Variants in KLHL32 observed in about 807,000 individuals in gnomAD.
KLHL32 encodes the protein kelch like family member 32.
KLHL32 carries 35 observed loss-of-function variants against 64.8 expected under a neutral mutation model. That is an observed-to-expected ratio of 0.54 (90% CI 0.41 to 0.72). KLHL32 has a LOEUF of 0.72. Among genes scored for constraint, KLHL32 ranks in the 30% least tolerant of loss-of-function variants. The pLI is 0.00. For synonymous variants in KLHL32, 259 were observed against 281.0 expected (o/e 0.92, Z 0.78); for missense variants, 589 against 768.5 (o/e 0.77, Z 2.76).
chr6:97,139,221 A>G lies in KLHL32; in HGVS notation c.1802A>G (p.Tyr601Cys). 1 of 1,613,984 alleles carries G rather than the reference A, an allele frequency of 6.2e-7. No homozygotes were observed. Reference protein sequence around the residue: ...GIAACFLPAPYFTCPNLQTLQ... With the variant: ...GIAACFLPAPCFTCPNLQTLQ... ...GCAGCATGCTTCCTTCCAGCTCCAT[A>G]TTTTACATGCCCTAACCTTCAAACT... The change falls in exon 11 of 11, where the codon TAT becomes TGT. Residue 601 changes from tyrosine to cysteine, a missense_variant. This residue lies in a region of KLHL32 where 172 missense variants were observed against 192.0 expected (regional missense o/e 0.90). Transcript: ENST00000369261.
At chr6:96,933,592 G>A (rs1770205532) in intron 1 of KLHL32, among the ~76,000 whole-genome samples, 1 of 152,126 alleles carries the variant, frequency 6.6e-6, no homozygotes, top group Non-Finnish European at 1.5e-5. Flanking sequence ...CTTTGTATCT[G>A]GAGCCTCATG....
intron 1 of KLHL32, among the ~76,000 whole-genome samples, chr6:96,950,121 A>G (rs1772391556): frequency 6.6e-6 from 1 of 152,148 alleles, no homozygotes; most frequent in Non-Finnish European, 1.5e-5. Flanking sequence ...GAGTTTTGAT[A>G]TCTCAAAGTT....
At chr6:96,973,286 C>T (rs1775305463) in intron 2 of KLHL32, among the ~76,000 whole-genome samples, 1 of 152,120 alleles carries the variant, frequency 6.6e-6, no homozygotes, top group African/African-American at 2.4e-5. Context: ...TTTATTCACT[C>T]TCAAGAGACA....
chr6:96,932,299 T>A (rs1294271174), intron 1 of KLHL32, among the ~76,000 whole-genome samples: 2 of 151,498 alleles, frequency 1.3e-5, no homozygotes, highest in African/African-American at 4.9e-5. Context: ...CAATCTGATT[T>A]AATTTTGCCA....
At chr6:96,924,554 C>A (rs1768896034), upstream of KLHL32, 1 of 125,336 alleles carries the variant, frequency 8.0e-6, no homozygotes, top group Admixed American at 8.3e-5. Flanking sequence ...AGGATGTGCG[C>A]GGGATCGCGG....
At chr6:96,910,552 T>C in the KLHL32 span, among the ~76,000 whole-genome samples, 1 of 152,240 alleles carries the variant, frequency 6.6e-6, no homozygotes, top group South Asian at 2.1e-4. Context: ...TATGGTGATT[T>C]GCAAACTGTA....
chr6:97,102,859 T>TA (rs1187768181), intron 6 of KLHL32, among the ~76,000 whole-genome samples: 1 of 151,956 alleles, frequency 6.6e-6, no homozygotes, highest in Non-Finnish European at 1.5e-5. Flanking sequence ...TTATTTTAGG[T>TA]TTGGGAGTAC....
chr6:97,012,243 C>T (rs1038961275), intron 3 of KLHL32, among the ~76,000 whole-genome samples: 2 of 152,158 alleles, frequency 1.3e-5, no homozygotes, highest in Non-Finnish European at 2.9e-5. Flanking sequence ...AGTGATGGAC[C>T]TTGAGGTGGC....
intron 2 of KLHL32, among the ~76,000 whole-genome samples, chr6:96,972,567 A>G (rs1261079950): frequency 1.3e-5 from 2 of 152,234 alleles, no homozygotes; most frequent in Admixed American, 6.5e-5. Flanking sequence ...TGAGGTGGCA[A>G]CATGGCTTCT....
chr6:96,958,893 A>T (rs1003435162), intron 1 of KLHL32, among the ~76,000 whole-genome samples: 1 of 152,114 alleles, frequency 6.6e-6, no homozygotes, highest in Admixed American at 6.5e-5. Context: ...GGCCTCAGGG[A>T]TGGAGTGTTG....
At chr6:97,137,812 A>C (rs1393690841) in intron 10 of KLHL32, among the ~76,000 whole-genome samples, 2 of 152,164 alleles carry the variant, frequency 1.3e-5, no homozygotes, top group Non-Finnish European at 1.5e-5. Context: ...GATTACAGGC[A>C]TCAGCCACCG....
intron 6 of KLHL32, among the ~76,000 whole-genome samples, chr6:97,096,062 A>C (rs1258123993): frequency 6.6e-6 from 1 of 152,144 alleles, no homozygotes; most frequent in African/African-American, 2.4e-5. Flanking sequence ...TGCACGGAAA[A>C]TTCAAGACTG....
At chr6:97,132,599 AAAAT>A in intron 9 of KLHL32, 50 bp from the exon 10 acceptor site, 1 of 1,381,170 alleles carries the variant, frequency 7.2e-7, no homozygotes, top group Non-Finnish European at 1.0e-6. Context: ...AGGGTTAATT[AAAAT>A]ATGTAAGAAA....
chr6:97,065,955 C>T (rs967595898), intron 5 of KLHL32, among the ~76,000 whole-genome samples: 7 of 151,740 alleles, frequency 4.6e-5, no homozygotes, highest in African/African-American at 1.4e-4. Flanking sequence ...ATTATTTGAG[C>T]ACATTTAATC....
At chr6:97,073,130 T>C (rs1415023040) in intron 5 of KLHL32, among the ~76,000 whole-genome samples, 1 of 152,176 alleles carries the variant, frequency 6.6e-6, no homozygotes, top group Non-Finnish European at 1.5e-5. Flanking sequence ...TCCACAGTTA[T>C]CCTCCTACCC....
upstream of KLHL32, among the ~76,000 whole-genome samples, chr6:96,924,434 G>A (rs1406772414): frequency 2.1e-5 from 3 of 145,014 alleles, no homozygotes; most frequent in East Asian, 6.4e-4. Flanking sequence ...GTACTTCCGG[G>A]ACCGGCGGGC....
At chr6:97,124,702 C>T (rs552295771) in intron 7 of KLHL32, among the ~76,000 whole-genome samples, 3 of 152,236 alleles carry the variant, frequency 2.0e-5, no homozygotes, top group South Asian at 2.1e-4. Context: ...GCTTTGCCCT[C>T]GGTTCCATTT....
chr6:96,944,662 G>A (rs1562180225), intron 1 of KLHL32, among the ~76,000 whole-genome samples: 1 of 152,198 alleles, frequency 6.6e-6, no homozygotes, highest in Non-Finnish European at 1.5e-5. Context: ...AGAAATAAAT[G>A]TTGGCTCAGA....
At chr6:97,096,109 A>G (rs1314221733) in intron 6 of KLHL32, among the ~76,000 whole-genome samples, 1 of 152,286 alleles carries the variant, frequency 6.6e-6, no homozygotes, top group Non-Finnish European at 1.5e-5. Context: ...TATTAGTTAT[A>G]TACCCCATCT....
Sources: allele counts gnomAD v4.1 joint callset (sites outside exome capture counted in the v4.1 genomes callset), GRCh38; gene constraint gnomAD v4.1.1; regional missense constraint gnomAD v4.1.1; transcripts MANE v1.5; gene names NCBI Gene and HGNC (gene_info 2026-07-23, HGNC 2026-07-21).